Variants in CHMP3 observed in about 807,000 individuals in gnomAD.
The protein encoded by CHMP3 is charged multivesicular body protein 3.
In CHMP3, 8 loss-of-function variants were observed where a neutral mutation model predicts 27.4. That is an observed-to-expected ratio of 0.29 (90% CI 0.17 to 0.53). The LOEUF is 0.53. Among genes scored for constraint, CHMP3 ranks in the 20% least tolerant of loss-of-function variants. The pLI, the probability that CHMP3 is intolerant of heterozygous loss-of-function variation, is 0.96. For missense variants in CHMP3, 208 were observed against 271.5 expected (o/e 0.77, Z 1.64); for synonymous variants, 86 against 85.5 (o/e 1.01, Z -0.03).
At chr2:86,559,936 T>C (rs1430718005) in intron 1 of CHMP3, among the ~76,000 whole-genome samples, 3 of 152,146 alleles carry the variant, frequency 2.0e-5, no homozygotes, top group Middle Eastern at 3.2e-3. Context: ...GGTTCTTACA[T>C]TGCTATAAAG....
chr2:86,522,641 C>T (rs1022830283), intron 3 of CHMP3, among the ~76,000 whole-genome samples: 1 of 152,144 alleles, frequency 6.6e-6, no homozygotes, highest in African/African-American at 2.4e-5. Flanking sequence ...CTTGTTTATA[C>T]CTTCACTCTG....
chr2:86,554,814 CGCGTGTGTGTGT>C (rs1490426855), intron 1 of CHMP3, among the ~76,000 whole-genome samples: 2 of 138,064 alleles, frequency 1.4e-5, no homozygotes, highest in Admixed American at 7.0e-5. Flanking sequence ...TGTGTGTGCG[CGCGTGTGTGTGT>C]GTGTGTGTGT....
chr2:86,510,680 T>A, intron 3 of CHMP3: 1 of 658,990 alleles, frequency 1.5e-6, no homozygotes, highest in Non-Finnish European at 2.4e-6. Flanking sequence ...ACTACTGATG[T>A]GAATTCAATG....
chr2:86,529,459 A>T, intron 2 of CHMP3, 62 bp from the exon 3 acceptor site: 1 of 1,444,356 alleles, frequency 6.9e-7, no homozygotes, highest in South Asian at 1.5e-5. Context: ...ACTCAAATAC[A>T]TTCTTATTGT....
intron 2 of CHMP3, among the ~76,000 whole-genome samples, chr2:86,534,662 T>G (rs563131879): frequency 6.6e-6 from 1 of 152,350 alleles, no homozygotes; most frequent in Admixed American, 6.5e-5. Flanking sequence ...TACAAAAATA[T>G]GTACACTTGT....
intron 5 of CHMP3, among the ~76,000 whole-genome samples, chr2:86,506,700 T>G (rs1674902992): frequency 6.7e-6 from 1 of 149,906 alleles, no homozygotes; most frequent in Non-Finnish European, 1.5e-5. Flanking sequence ...CTGGACCTCC[T>G]GGGCTCAAGC....
chr2:86,562,099 A>T (rs1480426736), intron 1 of CHMP3: 2 of 152,224 alleles, frequency 1.3e-5, no homozygotes, highest in African/African-American at 4.8e-5. Context: ...AGCAAAACTG[A>T]GTAAGTTTCC....
chr2:86,519,627 AAAAT>A (rs1675450079), intron 3 of CHMP3, among the ~76,000 whole-genome samples: 1 of 152,286 alleles, frequency 6.6e-6, no homozygotes, highest in Admixed American at 6.5e-5. Context: ...CATACAGTGT[AAAAT>A]AAACATTCAT....
intron 2 of CHMP3, among the ~76,000 whole-genome samples, chr2:86,530,793 T>C (rs1467847333): frequency 6.6e-6 from 1 of 152,246 alleles, no homozygotes; most frequent in African/African-American, 2.4e-5. Flanking sequence ...ACTAACAGTA[T>C]ACAAAGTTCC....
At chr2:86,537,363 T>G (rs1192468293) in intron 2 of CHMP3, among the ~76,000 whole-genome samples, 2 of 152,238 alleles carry the variant, frequency 1.3e-5, no homozygotes, top group Non-Finnish European at 2.9e-5. Context: ...TATTTCCATT[T>G]TGTTCACACT....
intron 3 of CHMP3, among the ~76,000 whole-genome samples, chr2:86,527,661 C>G (rs968081393): frequency 1.3e-5 from 2 of 152,068 alleles, no homozygotes; most frequent in African/African-American, 4.8e-5. Context: ...AATAACATGG[C>G]ATTTAAAAGT....
intron 3 of CHMP3, among the ~76,000 whole-genome samples, chr2:86,526,057 ACTTTT>A (rs1260541944): frequency 6.6e-6 from 1 of 152,244 alleles, no homozygotes; most frequent in Non-Finnish European, 1.5e-5. Context: ...CAAATACTTT[ACTTTT>A]CAATTCTGGT....
chr2:86,532,986 T>C (rs1243687269), intron 2 of CHMP3, among the ~76,000 whole-genome samples: 17 of 152,368 alleles, frequency 1.1e-4, no homozygotes, highest in Non-Finnish European at 2.1e-4. Flanking sequence ...TTCTTGAAGT[T>C]TGAGAAGCAT....
At position 86,504,285 on chromosome 2, in the gene CHMP3, A is replaced by G. The variant is rs1435708035; in HGVS notation, c.*1519T>C. On this transcript the variant is annotated 3_prime_UTR_variant, in exon 6 of 6. Coordinates refer to ENST00000263856, the MANE Select transcript of CHMP3 (RefSeq NM_016079.4). ...ATGATGTGTCAATGGAGGTTTATTG[A>G]TTGTAACAAATGTACCACTCTGGTG... 2.0e-5 allele frequency: 3 copies of G among 152,124 alleles called. No individual in the cohort carries two copies. In the East Asian group the frequency reaches 5.8e-4, roughly 29 times the overall value. The allele number at this position is 152,124 out of a possible 1,614,324, so 9.4% of individuals were successfully genotyped here.
Position 86,542,321 on chromosome 2 carries a change from A to T in CHMP3, c.46-9T>A, listed in dbSNP as rs1269635902. 21 of 1,612,886 alleles carry T rather than the reference A, an allele frequency of 1.3e-5. No homozygotes were observed. The highest frequency in any genetic ancestry group is 1.7e-5 in the Non-Finnish European group (20 of 1,179,408). On this transcript the variant is annotated splice_polypyrimidine_tract_variant and intron_variant, in intron 1 of 5. Coordinates refer to ENST00000263856, the MANE Select transcript of CHMP3 (RefSeq NM_016079.4). ...AATGACCACTCATTGACCTGGGAAA[A>T]TTTTTAGAAAAGGAATGAGGAGAAA...
rs535737761 is a variant in CHMP3 at position 86,505,656 on chromosome 2, C to T, written c.*148G>A. On this transcript the variant is annotated 3_prime_UTR_variant, in exon 6 of 6. Coordinates refer to ENST00000263856, the MANE Select transcript of CHMP3 (RefSeq NM_016079.4). ...CACTTTTATAAGAACAATCCCTTTG[C>T]GATCCCAAAACCTGGGCAGAGAATG... The T allele has an allele frequency of 1.9e-5, 21 of 1,126,468 alleles. No individual in the cohort carries two copies. The highest frequency in any genetic ancestry group is 5.8e-5 in the South Asian group (2 of 34,304). The allele number at this position is 1,126,468 out of a possible 1,614,324, so 69.8% of individuals were successfully genotyped here.
chr2:86,532,080 T>C (rs1675945110), intron 2 of CHMP3, among the ~76,000 whole-genome samples: 2 of 152,326 alleles, frequency 1.3e-5, no homozygotes, highest in South Asian at 4.1e-4. Flanking sequence ...AATCTCCCAA[T>C]ACATGAAAAT....
chr2:86,553,162 C>T (rs1411713413), intron 1 of CHMP3, among the ~76,000 whole-genome samples: 9 of 150,844 alleles, frequency 6.0e-5, no homozygotes, highest in Middle Eastern at 3.2e-3. Context: ...TGTAACAAAC[C>T]GGCACATCCT....
chr2:86,532,823 G>T (rs182332452), intron 2 of CHMP3, among the ~76,000 whole-genome samples: 21 of 152,274 alleles, frequency 1.4e-4, no homozygotes, highest in Admixed American at 1.3e-3. Flanking sequence ...TGTGTTGCTG[G>T]ATTTGGTTTG....
Sources: allele counts gnomAD v4.1 joint callset (sites outside exome capture counted in the v4.1 genomes callset), GRCh38; gene constraint gnomAD v4.1.1; transcripts MANE v1.5; gene names NCBI Gene and HGNC (gene_info 2026-07-23, HGNC 2026-07-21).